Variants in NLRP11 observed in about 807,000 individuals in gnomAD.
The protein encoded by NLRP11 is NLR family pyrin domain containing 11.
A neutral mutation model predicts 79.3 loss-of-function variants in NLRP11; 53 were observed. That is an observed-to-expected ratio of 0.67 (90% CI 0.54 to 0.84). The LOEUF (loss-of-function observed/expected upper bound fraction) is 0.84. Ranked by LOEUF, NLRP11 falls within the 40% of genes least tolerant of loss-of-function variation. The pLI, the probability that NLRP11 is intolerant of heterozygous loss-of-function variation, is 0.00. For missense variants in NLRP11, 1,264 were observed against 1,255.0 expected (o/e 1.01, Z -0.11); for synonymous variants, 518 against 462.6 (o/e 1.12, Z -1.54).
At chr19:55,818,711 G>C (rs552215270) in intron 1 of NLRP11, among the ~76,000 whole-genome samples, 185 of 152,232 alleles carry the variant, frequency 1.2e-3, no homozygotes, top group African/African-American at 4.4e-3. Flanking sequence ...ATACGTATAA[G>C]GACTCCTAAT....
rs141584788 is a variant in NLRP11, at chr19:55,815,895, T to C, written c.271+2009A>G. On this transcript the variant is annotated intron_variant, in intron 2 of 9. Coordinates refer to ENST00000589093, the Ensembl canonical transcript of NLRP11. ...TATAGCTTTAAATATAGAAGAAGCC[T>C]AAACAAAAAGATACTTGTGATTGCC... 2.8e-3 allele frequency among the ~76,000 whole-genome samples: 432 copies of C among 152,136 alleles called. 5 individuals are homozygous for C. Among genetic ancestry groups the C allele is most frequent in the African/African-American group, 9.6e-3 (398 of 41,488 alleles).
Position 55,809,236 on chromosome 19 carries a change from T to A in NLRP11, c.1374A>T (p.Thr458=). 1 of 1,613,948 alleles carries A rather than the reference T, an allele frequency of 6.2e-7. No homozygotes were observed. Among genetic ancestry groups the A allele is most frequent in the Non-Finnish European group, 8.5e-7 (1 of 1,179,810 alleles). Reference sequence around the variant, plus strand: ...GTACTGCCATCAGAAATGCAATGGCTGTACAAAACTCCTGGACGTTCAAGT... The same window carrying A: ...GTACTGCCATCAGAAATGCAATGGCAGTACAAAACTCCTGGACGTTCAAGT... The change falls in exon 3 of 10, where the codon ACA becomes ACT. Residue 458 remains threonine (T), a synonymous_variant. Transcript: ENST00000589093. The surrounding 1 kb of genome is among the most constrained non-coding windows in gnomAD (Gnocchi z 4.5).
chr19:55,801,820 A>G (rs932092431), intron 4 of NLRP11, 81 bp from the exon 5 acceptor site: 17 of 1,150,258 alleles, frequency 1.5e-5, no homozygotes, highest in Non-Finnish European at 2.1e-5. Flanking sequence ...GCCTCACTTC[A>G]TCCTGTAACA....
upstream of NLRP11, among the ~76,000 whole-genome samples, chr19:55,833,805 A>G (rs933429674): frequency 4.7e-5 from 7 of 148,776 alleles, no homozygotes; most frequent in African/African-American, 1.7e-4. Context: ...TTATTGGCAC[A>G]CGGATGAACA....
At chr19:55,813,058 C>T (rs972853826) in intron 2 of NLRP11, among the ~76,000 whole-genome samples, 10 of 152,060 alleles carry the variant, frequency 6.6e-5, no homozygotes, top group African/African-American at 2.2e-4. Flanking sequence ...CCAGGCACAG[C>T]GACTCACACC....
rs754980406 is a variant in NLRP11 at position 55,809,963 on chromosome 19, T to C, written c.647A>G (p.Asp216Gly). ...GAGTTTCTTGGGATCAGACAGGATGTCTGCAATGGGAGCCTGGCCGTCAGG... is the reference window on the plus strand; with the variant it reads ...GAGTTTCTTGGGATCAGACAGGATGCCTGCAATGGGAGCCTGGCCGTCAGG... Residue 216 changes from aspartate (D) to glycine (G), a missense_variant, in exon 3 of 10, where the codon GAC becomes GGC. Transcript: ENST00000589093. The surrounding 1 kb of genome is among the most constrained non-coding windows in gnomAD (Gnocchi z 4.5). 21 of 1,614,086 alleles carry C rather than the reference T, an allele frequency of 1.3e-5. No individual in the cohort carries two copies. The South Asian group carries it at 2.2e-4, about 17-fold the overall frequency.
At chr19:55,817,926 C>G in exon 2 of NLRP11, 2 of 1,609,178 alleles carry the variant, frequency 1.2e-6, no homozygotes, top group Non-Finnish European at 1.7e-6. Flanking sequence ...CAATGATCTT[C>G]CTACAAAGAT....
chr19:55,820,947 G>A (rs1395584076), intron 1 of NLRP11, among the ~76,000 whole-genome samples: 2 of 152,094 alleles, frequency 1.3e-5, no homozygotes, highest in Admixed American at 6.6e-5. Context: ...TACATTGGCC[G>A]TTGGCTAGCA....
rs75336414 is a variant in NLRP11 at position 55,799,562 on chromosome 19, G to C, written c.2171+2010C>G. Among the ~76,000 whole-genome samples, 474 of 152,252 alleles carry C rather than the reference G, an allele frequency of 3.1e-3. 14 individuals are homozygous for C. In the East Asian group the frequency reaches 0.075, roughly 24 times the overall value. On this transcript the variant is annotated intron_variant, in intron 5 of 9. Coordinates refer to ENST00000589093, the Ensembl canonical transcript of NLRP11. ...TCCAAGATGAAAGGAGTTTGGGGAG[G>C]GGGGCATTGAGGTAGGGGAGAGGCT...
At chr19:55,833,961 A>T, upstream of NLRP11, among the ~76,000 whole-genome samples, 1 of 151,234 alleles carries the variant, frequency 6.6e-6, no homozygotes, top group Non-Finnish European at 1.5e-5. Flanking sequence ...AAAAAAAAAA[A>T]TGGATCCCTT....
chr19:55,814,911 A>T (rs1980939674), intron 2 of NLRP11, among the ~76,000 whole-genome samples: 1 of 152,224 alleles, frequency 6.6e-6, no homozygotes, highest in African/African-American at 2.4e-5. Flanking sequence ...CCACAGGGAG[A>T]TGGTGAGTGA....
At chr19:55,819,831 G>A (rs1981507931) in intron 1 of NLRP11, among the ~76,000 whole-genome samples, 1 of 152,156 alleles carries the variant, frequency 6.6e-6, no homozygotes. Flanking sequence ...AGAGTCACTG[G>A]TATTGTAGAC....
intron 5 of NLRP11, among the ~76,000 whole-genome samples, chr19:55,797,994 TTATTA>T (rs1334708960): frequency 3.3e-5 from 4 of 122,432 alleles, no homozygotes; most frequent in Admixed American, 2.3e-4. Context: ...TTCTATATTA[TTATTA>T]TTTTTTTTTT....
At chr19:55,814,939 T>C (rs1277701086) in intron 2 of NLRP11, among the ~76,000 whole-genome samples, 1 of 152,226 alleles carries the variant, frequency 6.6e-6, no homozygotes, top group Non-Finnish European at 1.5e-5. Context: ...TCCCCACGGA[T>C]TGTTATTTTA....
At chr19:55,810,300 A>G in exon 3 of NLRP11, 1 of 1,613,402 alleles carries the variant, frequency 6.2e-7, no homozygotes, top group Non-Finnish European at 8.5e-7. Flanking sequence ...TGCAGCATGA[A>G]TTTTCTCCTC....
upstream of NLRP11, among the ~76,000 whole-genome samples, chr19:55,833,229 T>C (rs1025536121): frequency 1.1e-4 from 16 of 152,202 alleles, no homozygotes; most frequent in Non-Finnish European, 2.2e-4. Context: ...ATTACATTCT[T>C]GTACAGGAAT....
At chr19:55,789,254 G>A in exon 8 of NLRP11, 1 of 1,613,204 alleles carries the variant, frequency 6.2e-7, no homozygotes, top group South Asian at 1.1e-5. Context: ...ATGCAGTTGG[G>A]ATGTCTCAAA....
At chr19:55,823,666 A>G (rs1209295867) in intron 1 of NLRP11, among the ~76,000 whole-genome samples, 1 of 148,512 alleles carries the variant, frequency 6.7e-6, no homozygotes, top group Non-Finnish European at 1.5e-5. Flanking sequence ...GGTATCAGCA[A>G]TGGAAGACGA....
intron 6 of NLRP11, among the ~76,000 whole-genome samples, chr19:55,794,556 C>T (rs1056554233): frequency 2.0e-5 from 3 of 152,036 alleles, no homozygotes; most frequent in South Asian, 2.1e-4. Context: ...GTCAGGAGAT[C>T]GAGACCATCC....
Sources: gnomAD v4.1 joint callset for allele counts (sites outside exome capture counted in the v4.1 genomes callset) on GRCh38, gnomAD v4.1.1 for gene constraint, Gnocchi (gnomAD v3.1) non-coding constraint, MANE v1.5 for transcripts, NCBI Gene and HGNC (gene_info 2026-07-23, HGNC 2026-07-21) for gene names.